The following CPQ variants were observed in gnomAD, a reference collection of about 807,000 sequenced individuals.
The protein encoded by CPQ is carboxypeptidase Q.
Under a neutral mutation model 45.7 loss-of-function variants are expected in CPQ, and 37 were observed. The ratio of observed to expected loss-of-function variants is 0.81; its 90% confidence interval spans 0.62 to 1.07. The LOEUF (loss-of-function observed/expected upper bound fraction) is 1.07, where lower values mean the gene tolerates loss of function less well. Ranked by LOEUF, CPQ falls within the 50% of genes least tolerant of loss-of-function variation. The pLI, the probability that CPQ is intolerant of heterozygous loss-of-function variation, is 0.00. For synonymous variants in CPQ, 186 were observed against 205.8 expected, an observed-to-expected ratio of 0.90 and a Z score of 0.82; for missense variants, 537 against 572.9, an observed-to-expected ratio of 0.94 and a Z score of 0.64.
chr8:96,921,192 C>A (rs530604895), intron 4 of CPQ, among the ~76,000 whole-genome samples: 1 of 152,106 alleles, frequency 6.6e-6, no homozygotes, highest in Non-Finnish European at 1.5e-5. Flanking sequence ...ATCCCCCTTT[C>A]TTTTTATGTT....
At chr8:96,761,910 A>G (rs1274024757) in intron 1 of CPQ, among the ~76,000 whole-genome samples, 1 of 152,216 alleles carries the variant, frequency 6.6e-6, no homozygotes, top group South Asian at 2.1e-4. Flanking sequence ...CCTTCTGAAC[A>G]TAGCAAATAT....
intron 4 of CPQ, among the ~76,000 whole-genome samples, chr8:96,888,427 TG>T (rs1410535972): frequency 6.6e-6 from 1 of 152,058 alleles, no homozygotes; most frequent in African/African-American, 2.4e-5. Flanking sequence ...TACTGAAAGA[TG>T]AAAAAAAATA....
chr8:96,828,019 T>A (rs1421990460), intron 2 of CPQ, among the ~76,000 whole-genome samples: 1 of 152,116 alleles, frequency 6.6e-6, no homozygotes, highest in Non-Finnish European at 1.5e-5. Flanking sequence ...TATAAAACTT[T>A]CCCTCATAAA....
chr8:96,882,101 G>A (rs149433567), intron 4 of CPQ, among the ~76,000 whole-genome samples: 1 of 152,266 alleles, frequency 6.6e-6, no homozygotes, highest in African/African-American at 2.4e-5. Context: ...GGAGACTCAG[G>A]ACTCAGGACT....
chr8:96,908,744 T>TGCGCGCGC (rs561164802), intron 4 of CPQ, among the ~76,000 whole-genome samples: 1 of 70,470 alleles, frequency 1.4e-5, no homozygotes, highest in African/African-American at 7.3e-5. Flanking sequence ...TTTATACACA[T>TGCGCGCGC]GCGCACACAC....
At chr8:97,027,025 A>AT (rs933198270) in intron 5 of CPQ, among the ~76,000 whole-genome samples, 1 of 151,898 alleles carries the variant, frequency 6.6e-6, no homozygotes. Flanking sequence ...AAAAAAGTGT[A>AT]TTTTTTTCTT....
intron 1 of CPQ, among the ~76,000 whole-genome samples, chr8:96,676,117 TCTTTG>T (rs1809073588): frequency 6.6e-6 from 1 of 152,084 alleles, no homozygotes; most frequent in African/African-American, 2.4e-5. Context: ...ATTTATCATT[TCTTTG>T]CTTTGGGAAC....
chr8:96,900,612 T>C (rs192385329), intron 4 of CPQ, among the ~76,000 whole-genome samples: 55 of 152,328 alleles, frequency 3.6e-4, no homozygotes, highest in Admixed American at 1.0e-3. Context: ...GGAACTTTTA[T>C]ATTTATTTTT....
chr8:97,083,228 G>C (rs1419535574), intron 7 of CPQ, among the ~76,000 whole-genome samples: 2 of 152,126 alleles, frequency 1.3e-5, no homozygotes, highest in East Asian at 3.9e-4. Context: ...TTTTCCAAGG[G>C]GGGTGAATAA....
chr8:96,790,374 T>G (rs1463227770), intron 2 of CPQ, among the ~76,000 whole-genome samples: 2 of 151,994 alleles, frequency 1.3e-5, no homozygotes, highest in African/African-American at 4.8e-5. Context: ...CTCCTATGAG[T>G]GAGCTGAGAA....
At chr8:96,944,382 C>A (rs1217677875) in intron 4 of CPQ, among the ~76,000 whole-genome samples, 1 of 152,036 alleles carries the variant, frequency 6.6e-6, no homozygotes, top group African/African-American at 2.4e-5. Context: ...GTTCATGACC[C>A]CCTGCTTCTG....
intron 6 of CPQ, among the ~76,000 whole-genome samples, chr8:97,063,693 G>C (rs1721342888): frequency 6.6e-6 from 1 of 152,028 alleles, no homozygotes. Flanking sequence ...TGGCTAGTCA[G>C]TTATCCCATC....
chr8:96,750,170 A>G (rs1810240103), intron 1 of CPQ, among the ~76,000 whole-genome samples: 1 of 151,848 alleles, frequency 6.6e-6, no homozygotes, highest in Non-Finnish European at 1.5e-5. Flanking sequence ...TATGCTACAC[A>G]ATTTATGGAA....
At chr8:97,094,307 A>G (rs974627060) in intron 7 of CPQ, among the ~76,000 whole-genome samples, 4 of 152,164 alleles carry the variant, frequency 2.6e-5, no homozygotes, top group African/African-American at 9.7e-5. Context: ...GAAAATCTCA[A>G]ATGATTTGCA....
intron 4 of CPQ, among the ~76,000 whole-genome samples, chr8:96,925,350 A>C (rs1812858661): frequency 1.3e-5 from 2 of 151,852 alleles, no homozygotes; most frequent in Admixed American, 1.3e-4. Flanking sequence ...TAGATGATTT[A>C]AACCAGAGCC....
intron 6 of CPQ, among the ~76,000 whole-genome samples, chr8:97,035,798 C>T (rs555035790): frequency 4.6e-5 from 7 of 152,252 alleles, no homozygotes; most frequent in Non-Finnish European, 4.4e-5. Flanking sequence ...ACCTCCGCCT[C>T]CAGGGTTCAC....
At chr8:96,690,447 T>G (rs1809291087) in intron 1 of CPQ, among the ~76,000 whole-genome samples, 1 of 152,190 alleles carries the variant, frequency 6.6e-6, no homozygotes, top group Admixed American at 6.5e-5. Context: ...TTTCTGAAAA[T>G]ATAGCTTATA....
chr8:96,790,103 T>C (rs576698368), intron 2 of CPQ, among the ~76,000 whole-genome samples: 1 of 152,220 alleles, frequency 6.6e-6, no homozygotes, highest in East Asian at 1.9e-4. Flanking sequence ...AGCTCTCCAT[T>C]ATTTTCAGCA....
chr8:96,998,529 T>C (rs1419973033), intron 5 of CPQ, among the ~76,000 whole-genome samples: 1 of 151,876 alleles, frequency 6.6e-6, no homozygotes, highest in Non-Finnish European at 1.5e-5. Flanking sequence ...ATAGAGAAAA[T>C]TGCTGAACAG....
Sources: gnomAD v4.1 joint callset for allele counts (sites outside exome capture counted in the v4.1 genomes callset) on GRCh38, gnomAD v4.1.1 for gene constraint, MANE v1.5 for transcripts, NCBI Gene and HGNC (gene_info 2026-07-23, HGNC 2026-07-21) for gene names.